The following RPRD1A variants were observed in gnomAD, a reference collection of about 807,000 sequenced individuals.
RPRD1A encodes regulation of nuclear pre-mRNA domain containing 1A.
Under a neutral mutation model 37.8 loss-of-function variants are expected in RPRD1A, and 9 were observed. The observed-to-expected ratio is 0.24, with a 90% CI of 0.14 to 0.42. The LOEUF is 0.42. Among genes scored for constraint, RPRD1A ranks in the 10% least tolerant of loss-of-function variants. RPRD1A has a pLI of 1.00. For synonymous variants in RPRD1A, 138 were observed against 139.7 expected, an observed-to-expected ratio of 0.99 and a Z score of 0.08; for missense variants, 255 against 371.0, an observed-to-expected ratio of 0.69 and a Z score of 2.57.
At chr18:36,032,680 T>C (rs569118354) in intron 2 of RPRD1A, among the ~76,000 whole-genome samples, 1 of 152,332 alleles carries the variant, frequency 6.6e-6, no homozygotes, top group African/African-American at 2.4e-5. Context: ...ATGTGTACTA[T>C]GTGAGATATG....
At chr18:36,045,234 C>T (rs545096796) in intron 1 of RPRD1A, among the ~76,000 whole-genome samples, 3 of 151,886 alleles carry the variant, frequency 2.0e-5, no homozygotes, top group African/African-American at 4.8e-5. Context: ...AGCAATACTC[C>T]GTCTCAAAAA....
At chr18:36,031,668 C>T (rs552237570) in intron 2 of RPRD1A, among the ~76,000 whole-genome samples, 3 of 152,132 alleles carry the variant, frequency 2.0e-5, no homozygotes, top group Non-Finnish European at 4.4e-5. Flanking sequence ...TGTTTCCTAC[C>T]TCCTTCATTG....
chr18:36,033,912 A>T, intron 1 of RPRD1A, 75 bp from the exon 2 acceptor site: 1 of 1,280,072 alleles, frequency 7.8e-7, no homozygotes, highest in Non-Finnish European at 1.1e-6. Context: ...ACCTAAATTA[A>T]GCATTTTGAG....
chr18:36,028,939 A>G (rs1911568226), intron 4 of RPRD1A, among the ~76,000 whole-genome samples: 1 of 152,204 alleles, frequency 6.6e-6, no homozygotes, highest in Non-Finnish European at 1.5e-5. Flanking sequence ...CATCAGGGAG[A>G]GCGGAAGGAG....
chr18:36,014,414 C>A (rs560636726), intron 6 of RPRD1A, among the ~76,000 whole-genome samples: 1 of 152,264 alleles, frequency 6.6e-6, no homozygotes, highest in Admixed American at 6.5e-5. Flanking sequence ...TAAAATGACA[C>A]CATCACTTAC....
At chr18:36,008,677 A>G (rs995997180) in intron 6 of RPRD1A, among the ~76,000 whole-genome samples, 2 of 148,888 alleles carry the variant, frequency 1.3e-5, no homozygotes, top group African/African-American at 5.0e-5. Context: ...TTTTATACCC[A>G]TTTGATGCTG....
intron 1 of RPRD1A, among the ~76,000 whole-genome samples, chr18:36,051,551 AACCCTCAGATTCT>A (rs1598659673): frequency 6.6e-6 from 1 of 152,126 alleles, no homozygotes; most frequent in East Asian, 1.9e-4. Context: ...CCAATTCTAA[AACCCTCAGATTCT>A]ACACACTTTC....
intron 6 of RPRD1A, chr18:36,025,116 C>A (rs770849093): frequency 1.3e-5 from 2 of 152,358 alleles, no homozygotes; most frequent in Non-Finnish European, 2.9e-5. Flanking sequence ...TTGCTTTAAT[C>A]TTAGATTTAA....
intron 6 of RPRD1A, among the ~76,000 whole-genome samples, chr18:36,017,273 C>G (rs1351620963): frequency 6.6e-6 from 1 of 152,146 alleles, no homozygotes; most frequent in Non-Finnish European, 1.5e-5. Context: ...TGAGCTCCAA[C>G]CTGGGTAACA....
chr18:36,049,773 T>C (rs1223811060), intron 1 of RPRD1A, among the ~76,000 whole-genome samples: 7 of 152,332 alleles, frequency 4.6e-5, no homozygotes, highest in South Asian at 4.1e-4. Context: ...CTGTGGAACA[T>C]TGGAATTATG....
At chr18:36,014,187 A>G (rs2077946079) in intron 6 of RPRD1A, among the ~76,000 whole-genome samples, 1 of 152,236 alleles carries the variant, frequency 6.6e-6, no homozygotes, top group African/African-American at 2.4e-5. Flanking sequence ...TTAAAAATAA[A>G]CAAATAAAAA....
In RPRD1A at chr18:35,992,890, T is replaced by C. The variant is rs1023019558; in HGVS notation, c.*261A>G. On this transcript the variant is annotated 3_prime_UTR_variant, in exon 7 of 7. Transcript: ENST00000399022. ...AAGGCCTTGGATCAAAAAAAAAATT[T>C]ACAAAAAGATCTTTTGAAAATAATC... The C allele has an allele frequency of 1.0e-5, 3 of 291,060 alleles. No individual in the cohort carries two copies. The highest frequency in any genetic ancestry group is 6.5e-5 in the African/African-American group (3 of 45,838). The allele number at this position is 291,060 out of a possible 1,614,324, so 18.0% of individuals were successfully genotyped here. A position where few individuals can be genotyped will look rare whatever the true frequency, so the allele number is the denominator to read the frequency against.
chr18:36,038,371 C>T (rs1912345702), intron 1 of RPRD1A, among the ~76,000 whole-genome samples: 1 of 152,248 alleles, frequency 6.6e-6, no homozygotes, highest in Admixed American at 6.5e-5. Flanking sequence ...TGGGCCATTG[C>T]TTCAGAGGGT....
At chr18:35,997,342 A>G (rs1909133038) in intron 6 of RPRD1A, among the ~76,000 whole-genome samples, 1 of 152,200 alleles carries the variant, frequency 6.6e-6, no homozygotes, top group Non-Finnish European at 1.5e-5. Context: ...GACCATTCAC[A>G]TATCACATAT....
chr18:36,049,544 C>T (rs1437975556), intron 1 of RPRD1A, among the ~76,000 whole-genome samples: 3 of 152,176 alleles, frequency 2.0e-5, no homozygotes, highest in East Asian at 1.9e-4. Flanking sequence ...CTAGGTGTCT[C>T]ATATAAGTAG....
chr18:36,036,830 T>C (rs775665634), intron 1 of RPRD1A, among the ~76,000 whole-genome samples: 3 of 152,188 alleles, frequency 2.0e-5, no homozygotes, highest in African/African-American at 4.8e-5. Flanking sequence ...AAACAAACCA[T>C]GTCATAATTC....
At chr18:36,001,785 T>C (rs1039811714) in intron 6 of RPRD1A, among the ~76,000 whole-genome samples, 1 of 152,222 alleles carries the variant, frequency 6.6e-6, no homozygotes, top group Admixed American at 6.5e-5. Flanking sequence ...CGAATATAGT[T>C]AGGCAAACAT....
At chr18:36,004,105 A>G (rs1157623349) in intron 6 of RPRD1A, among the ~76,000 whole-genome samples, 1 of 145,364 alleles carries the variant, frequency 6.9e-6, no homozygotes, top group Non-Finnish European at 1.5e-5. Flanking sequence ...TGCTGGGATT[A>G]CAGGCATGAG....
intron 4 of RPRD1A, 56 bp downstream of exon 4, chr18:36,030,752 T>C: frequency 9.6e-7 from 1 of 1,046,508 alleles, no homozygotes; most frequent in Non-Finnish European, 1.5e-6. Context: ...TTAATAAAGC[T>C]TGGTGGCAAC....
Sources: gnomAD v4.1 joint callset for allele counts (sites outside exome capture counted in the v4.1 genomes callset) on GRCh38, gnomAD v4.1.1 for gene constraint, MANE v1.5 for transcripts, NCBI Gene and HGNC (gene_info 2026-07-23, HGNC 2026-07-21) for gene names.